The following SATB2 variants were observed in gnomAD, a reference collection of about 807,000 sequenced individuals.
The protein encoded by SATB2 is DNA-binding protein SATB2.
SATB2 carries 1 observed loss-of-function variant against 73.4 expected under a neutral mutation model. That is an observed-to-expected ratio of 0.01 (90% CI 0.00 to 0.06). The LOEUF is 0.06. Among genes scored for constraint, SATB2 ranks in the 10% least tolerant of loss-of-function variants. The pLI is 1.00. For synonymous variants in SATB2, 397 were observed against 367.0 expected (o/e 1.08, Z -0.93); for missense variants, 459 against 945.8 (o/e 0.49, Z 6.75).
upstream of SATB2, among the ~76,000 whole-genome samples, chr2:199,466,090 T>C (rs539402267): frequency 6.6e-6 from 1 of 152,228 alleles, no homozygotes; most frequent in Non-Finnish European, 1.5e-5. Context: ...ACCCAAAGTC[T>C]GCTGAGGGCT....
chr2:199,394,805 T>A (rs1690250095), intron 3 of SATB2, among the ~76,000 whole-genome samples: 1 of 152,186 alleles, frequency 6.6e-6, no homozygotes. Context: ...GGATTTTTTT[T>A]AATTCAACCA....
At position 199,464,516 on chromosome 2, in the gene SATB2, C is replaced by T. The variant is rs1378898717; in HGVS notation, c.-141+320G>A. Among the ~76,000 whole-genome samples the T allele has an allele frequency of 6.6e-6, 1 of 152,168 alleles. No individual in the cohort carries two copies. Among genetic ancestry groups the T allele is most frequent in the South Asian group, 2.1e-4 (1 of 4,834 alleles). ...AAGGTGTAAATTCACCTGGTGCCCA[C>T]CCAATTGCAAAGCTCCCAGACCCAC... On this transcript the variant is annotated intron_variant, in intron 1 of 11. Transcript: ENST00000260926. This position sits in a 1 kb window ranked among gnomAD's most constrained non-coding sequence, Gnocchi z 6.6.
chr2:199,393,795 A>G (rs904881362), intron 3 of SATB2, among the ~76,000 whole-genome samples: 2 of 152,206 alleles, frequency 1.3e-5, no homozygotes, highest in African/African-American at 2.4e-5. Context: ...GCTCATTTTT[A>G]AAATTTCAAA....
chr2:199,370,159 T>C (rs1689400544), intron 5 of SATB2, among the ~76,000 whole-genome samples: 1 of 152,140 alleles, frequency 6.6e-6, no homozygotes, highest in African/African-American at 2.4e-5. Flanking sequence ...GGCTGTTCCC[T>C]AACTAGCTGA....
chr2:199,371,353 A>G (rs1455617275), intron 5 of SATB2, among the ~76,000 whole-genome samples: 1 of 152,182 alleles, frequency 6.6e-6, no homozygotes, highest in Non-Finnish European at 1.5e-5. Context: ...ATCAACACTT[A>G]ATTAATGATA....
intron 3 of SATB2, among the ~76,000 whole-genome samples, chr2:199,386,242 T>A (rs982829772): frequency 6.6e-6 from 1 of 152,198 alleles, no homozygotes; most frequent in Non-Finnish European, 1.5e-5. Flanking sequence ...AATGCTCGAA[T>A]GAGCATTTCC....
At chr2:199,343,964 G>T (rs914229990) in intron 7 of SATB2, among the ~76,000 whole-genome samples, 12 of 152,136 alleles carry the variant, frequency 7.9e-5, no homozygotes, top group Non-Finnish European at 1.2e-4. Flanking sequence ...AGACAAAAAG[G>T]ATTATATGGG....
At chr2:199,422,873 C>T (rs67531559) in intron 3 of SATB2, among the ~76,000 whole-genome samples, 2,979 of 152,058 alleles carry the variant, frequency 0.02, 103 homozygotes, top group African/African-American at 0.067. Flanking sequence ...TATGTAAAAG[C>T]TTCAATTTCC....
chr2:199,347,484 T>C (rs1238788037), intron 7 of SATB2: 2 of 152,174 alleles, frequency 1.3e-5, no homozygotes, highest in African/African-American at 4.8e-5. Context: ...TGTACTTTAT[T>C]AATCCTTCAA....
intron 3 of SATB2, among the ~76,000 whole-genome samples, chr2:199,401,012 T>C (rs1559031884): frequency 6.6e-6 from 1 of 152,172 alleles, no homozygotes; most frequent in Non-Finnish European, 1.5e-5. Flanking sequence ...ATCAGGTGTA[T>C]TTTGTTGGAC....
intron 3 of SATB2, among the ~76,000 whole-genome samples, chr2:199,411,388 G>C (rs935255019): frequency 6.6e-6 from 1 of 152,102 alleles, no homozygotes; most frequent in African/African-American, 2.4e-5. Flanking sequence ...GTGAAAAAGA[G>C]GGAGAGAGTA....
At chr2:199,429,574 C>T (rs1356183184) in intron 3 of SATB2, among the ~76,000 whole-genome samples, 1 of 152,128 alleles carries the variant, frequency 6.6e-6, no homozygotes, top group African/African-American at 2.4e-5. Context: ...AAAATCCAGT[C>T]AGAAAGGATT....
intron 3 of SATB2, among the ~76,000 whole-genome samples, chr2:199,394,518 C>A (rs566126257): frequency 6.6e-6 from 1 of 152,200 alleles, no homozygotes; most frequent in East Asian, 1.9e-4. Flanking sequence ...GTGGGCCAGG[C>A]TCTGTGGCTC....
At chr2:199,371,721 A>G (rs1440273654) in intron 5 of SATB2, among the ~76,000 whole-genome samples, 1 of 152,160 alleles carries the variant, frequency 6.6e-6, no homozygotes, top group Non-Finnish European at 1.5e-5. Context: ...GACTGTTAGG[A>G]TCCATATCTT....
chr2:199,443,256 AC>A (rs202021609), intron 2 of SATB2, among the ~76,000 whole-genome samples: 50 of 150,728 alleles, frequency 3.3e-4, no homozygotes, highest in East Asian at 3.9e-4. Context: ...TTAAAAAAAA[AC>A]AGCTTGATTA....
intron 3 of SATB2, among the ~76,000 whole-genome samples, chr2:199,413,980 A>G (rs182080796): frequency 2.0e-5 from 3 of 152,314 alleles, no homozygotes; most frequent in African/African-American, 2.4e-5. Flanking sequence ...CTAAGCTAAC[A>G]TTTTAATAAG....
At chr2:199,291,679 G>A (rs538589274) in intron 10 of SATB2, among the ~76,000 whole-genome samples, 10 of 152,176 alleles carry the variant, frequency 6.6e-5, no homozygotes, top group South Asian at 6.2e-4. Context: ...TTGGGAGGCC[G>A]AGGCGGGTGG....
chr2:199,457,156 G>A lies in SATB2; in HGVS notation c.-60+183C>T, dbSNP rs1417858767. Among the ~76,000 whole-genome samples the A allele has an allele frequency of 1.3e-5, 2 of 152,254 alleles. No individual in the cohort carries two copies. Among genetic ancestry groups the A allele is most frequent in the Non-Finnish European group, 2.9e-5 (2 of 68,042 alleles). ...AAGGAGACAAGGTGGGGGTGGCAGG[G>A]GGAGGTGAAAGGAAGGATGCGAGAT... On this transcript the variant is annotated intron_variant, in intron 1 of 10. Coordinates refer to ENST00000417098, the MANE Select transcript of SATB2 (RefSeq NM_001172509.2). The surrounding 1 kb of genome is among the most constrained non-coding windows in gnomAD (Gnocchi z 4.8).
At chr2:199,344,179 C>T (rs1288280500) in intron 7 of SATB2, among the ~76,000 whole-genome samples, 1 of 152,070 alleles carries the variant, frequency 6.6e-6, no homozygotes, top group Non-Finnish European at 1.5e-5. Flanking sequence ...TATACATAAC[C>T]AGGCAATAAA....
Sources: allele counts gnomAD v4.1 joint callset (sites outside exome capture counted in the v4.1 genomes callset), GRCh38; gene constraint gnomAD v4.1.1; non-coding constraint Gnocchi (gnomAD v3.1); transcripts MANE v1.5; gene names NCBI Gene and HGNC (gene_info 2026-07-23, HGNC 2026-07-21).